ANO3: variants seen among roughly 807,000 people sequenced by gnomAD.
ANO3 encodes the protein anoctamin 3.
In ANO3, 99 loss-of-function variants were observed where a neutral mutation model predicts 144.8. The observed-to-expected ratio is 0.68, with a 90% CI of 0.58 to 0.81. ANO3 has a LOEUF of 0.81. Ranked by LOEUF, ANO3 falls within the 30% of genes least tolerant of loss-of-function variation. The pLI is 0.00. For missense variants in ANO3, 905 were observed against 1,202.2 expected, an observed-to-expected ratio of 0.75 and a Z score of 3.66; for synonymous variants, 414 against 392.6, an observed-to-expected ratio of 1.05 and a Z score of -0.64.
intron 1 of ANO3, among the ~76,000 whole-genome samples, chr11:26,300,707 T>C: frequency 6.6e-6 from 1 of 152,204 alleles, no homozygotes; most frequent in South Asian, 2.1e-4. Context: ...GTTTAGCAGA[T>C]GCTCAACATA....
At chr11:26,607,696 A>T (rs944438908) in intron 17 of ANO3, among the ~76,000 whole-genome samples, 1 of 152,064 alleles carries the variant, frequency 6.6e-6, no homozygotes, top group Non-Finnish European at 1.5e-5. Flanking sequence ...GTGCTCCTGT[A>T]TTGGGTGCAT....
intron 1 of ANO3, among the ~76,000 whole-genome samples, chr11:26,336,421 ATAGAAATAAGCATT>A (rs1855194618): frequency 6.6e-6 from 1 of 152,274 alleles, no homozygotes; most frequent in African/African-American, 2.4e-5. Flanking sequence ...TAGTAATTCC[ATAGAAATAAGCATT>A]TACTACTCAC....
chr11:26,243,266 T>A (rs1295692770), intron 1 of ANO3, among the ~76,000 whole-genome samples: 1 of 152,178 alleles, frequency 6.6e-6, no homozygotes, highest in Non-Finnish European at 1.5e-5. Flanking sequence ...TAATCAATTA[T>A]CTTTCTCTCT....
intron 3 of ANO3, among the ~76,000 whole-genome samples, chr11:26,454,752 C>T (rs556890131): frequency 4.0e-4 from 60 of 149,956 alleles, no homozygotes; most frequent in African/African-American, 1.5e-3. Context: ...ATACCAAAGC[C>T]AGGCAGAGAC....
chr11:26,584,941 A>T (rs1851235404), intron 14 of ANO3, among the ~76,000 whole-genome samples: 1 of 152,192 alleles, frequency 6.6e-6, no homozygotes. Flanking sequence ...GCAGGTGTGA[A>T]AAGTAAATAT....
chr11:26,188,949 A>G (rs906549483), exon 1 of ANO3, among the ~76,000 whole-genome samples: 4 of 152,168 alleles, frequency 2.6e-5, no homozygotes, highest in Admixed American at 2.0e-4. Flanking sequence ...AGACTCTAAA[A>G]TTCATCCATC....
At chr11:26,419,566 T>C (rs1462773333) in intron 1 of ANO3, among the ~76,000 whole-genome samples, 1 of 152,114 alleles carries the variant, frequency 6.6e-6, no homozygotes, top group Non-Finnish European at 1.5e-5. Flanking sequence ...ATACTGTCTA[T>C]GTATGCAGAC....
intron 12 of ANO3, among the ~76,000 whole-genome samples, chr11:26,550,493 A>G (rs143321036): frequency 8.5e-5 from 13 of 152,078 alleles, no homozygotes; most frequent in East Asian, 1.9e-4. Context: ...ACTATTTTAT[A>G]TACCTCATAT....
At chr11:26,279,869 C>A (rs1166470558) in intron 1 of ANO3, among the ~76,000 whole-genome samples, 3 of 152,132 alleles carry the variant, frequency 2.0e-5, no homozygotes, top group African/African-American at 7.2e-5. Flanking sequence ...TAGAATAAGT[C>A]AAAATACCCA....
chr11:26,300,806 T>A (rs957975104), intron 1 of ANO3, among the ~76,000 whole-genome samples: 2 of 152,066 alleles, frequency 1.3e-5, no homozygotes, highest in African/African-American at 4.8e-5. Flanking sequence ...ATAATGTCAC[T>A]ACTGTTGCCT....
At chr11:26,219,051 C>T (rs560520404) in intron 1 of ANO3, among the ~76,000 whole-genome samples, 1 of 152,248 alleles carries the variant, frequency 6.6e-6, no homozygotes, top group East Asian at 1.9e-4. Context: ...TTGCAGGGGG[C>T]TGTCCTGTGC....
At chr11:26,311,725 TA>T (rs1854505059) in intron 1 of ANO3, among the ~76,000 whole-genome samples, 1 of 152,212 alleles carries the variant, frequency 6.6e-6, no homozygotes. Context: ...TTATCTCCTG[TA>T]CTCTGATATG....
Position 26,639,155 on chromosome 11 carries a change from T to A in ANO3, c.2055T>A (p.Ser685Arg), listed in dbSNP as rs757620080. 6.2e-7 allele frequency: 1 copy of A among 1,610,998 alleles called. No homozygotes were observed. The highest frequency in any genetic ancestry group is 8.5e-7 in the Non-Finnish European group (1 of 1,177,340). Residue 685 changes from serine to arginine, a missense_variant, in exon 21 of 27, where the codon AGT becomes AGA. Ser to Arg is a moderately radical substitution (Grantham distance 110). Around this residue, in one of 4 missense-constraint regions of ANO3, gnomAD observed 597 missense variants for 865.1 expected, o/e 0.69. Transcript: ENST00000256737. Reference sequence around the variant, plus strand: ...ATGTTCTATTTCAGTGTCATCCTAGTGGCTGTTTGATAGACCTCTGCCTCC... The same window carrying A: ...ATGTTCTATTTCAGTGTCATCCTAGAGGCTGTTTGATAGACCTCTGCCTCC... ...DRWRLEECHP[S>R]GCLIDLCLQM...
At chr11:26,280,167 G>A (rs946014055) in intron 1 of ANO3, among the ~76,000 whole-genome samples, 14 of 152,120 alleles carry the variant, frequency 9.2e-5, no homozygotes, top group African/African-American at 3.4e-4. Context: ...TTTACCACAT[G>A]TGCAGAGTTG....
intron 1 of ANO3, among the ~76,000 whole-genome samples, chr11:26,429,513 GAAAAT>G (rs1858018549): frequency 6.9e-6 from 1 of 145,374 alleles, no homozygotes; most frequent in African/African-American, 2.5e-5. Flanking sequence ...GAAAACCTCA[GAAAAT>G]AAAACCTAAT....
intron 14 of ANO3, among the ~76,000 whole-genome samples, chr11:26,564,760 T>C (rs1226181820): frequency 9.9e-4 from 87 of 87,758 alleles, no homozygotes; most frequent in South Asian, 2.4e-3. Context: ...TATATATATA[T>C]ATATATATAT....
intron 14 of ANO3, among the ~76,000 whole-genome samples, chr11:26,596,593 C>T (rs1457681324): frequency 2.0e-5 from 3 of 152,146 alleles, no homozygotes; most frequent in Admixed American, 2.0e-4. Context: ...CAGCGTAGAG[C>T]TTCCTTAGAT....
chr11:26,478,244 A>G (rs894416282), intron 4 of ANO3, among the ~76,000 whole-genome samples: 5 of 152,166 alleles, frequency 3.3e-5, no homozygotes, highest in Non-Finnish European at 7.4e-5. Flanking sequence ...TCTGAAAAGC[A>G]AGAAAAAGTT....
chr11:26,495,259 C>T (rs1052055419), intron 4 of ANO3, among the ~76,000 whole-genome samples: 4 of 141,448 alleles, frequency 2.8e-5, no homozygotes, highest in Non-Finnish European at 4.6e-5. Flanking sequence ...CGTGCCACCA[C>T]GGCTGGCTGA....
Sources: allele counts gnomAD v4.1 joint callset (sites outside exome capture counted in the v4.1 genomes callset), GRCh38; gene constraint gnomAD v4.1.1; regional missense constraint gnomAD v4.1.1; transcripts MANE v1.5; gene names NCBI Gene and HGNC (gene_info 2026-07-23, HGNC 2026-07-21).